Variants in KCNMA1 observed in about 807,000 individuals in gnomAD.
The protein encoded by KCNMA1 is Calcium-activated potassium channel subunit alpha-1.
A neutral mutation model predicts 140.0 loss-of-function variants in KCNMA1; 29 were observed. The observed-to-expected ratio is 0.21, with a 90% CI of 0.15 to 0.28. The LOEUF is 0.28. KCNMA1 is among the 10% of genes least tolerant of loss of function. KCNMA1 has a pLI of 1.00. For synonymous variants in KCNMA1, 612 were observed against 611.9 expected, an observed-to-expected ratio of 1.00 and a Z score of 0.00; for missense variants, 880 against 1,602.2, an observed-to-expected ratio of 0.55 and a Z score of 7.70.
rs562280330 is a variant in KCNMA1 at position 77,390,697 on chromosome 10, CA to C, written c.540+13164del. Among the ~76,000 whole-genome samples the C allele has an allele frequency of 2.1e-4, 32 of 152,304 alleles. No homozygotes were observed. The South Asian group carries it at 6.6e-3, about 32-fold the overall frequency. ...CACAACCAGGCCCTTGCTCTAGAAA[CA>C]AAAAGAATGTTCTGGACCTATCCCA... is the stretch of plus-strand genomic sequence containing the variant. On this transcript the variant is annotated intron_variant, in intron 2 of 27. Coordinates refer to ENST00000286628, the MANE Select transcript of KCNMA1 (RefSeq NM_001161352.2).
intron 1 of KCNMA1, among the ~76,000 whole-genome samples, chr10:77,584,961 AGTCC>A (rs536687242): frequency 5.5e-4 from 84 of 152,218 alleles, no homozygotes; most frequent in Non-Finnish European, 1.0e-3. Flanking sequence ...CTCCCTGCAC[AGTCC>A]TCTCAGCCAC....
chr10:76,884,645 C>T (rs532273538), downstream of KCNMA1: 29 of 212,570 alleles, frequency 1.4e-4, no homozygotes, highest in African/African-American at 5.3e-4. Context: ...GAGAGAAGTT[C>T]CCCCCAAATT....
chr10:77,007,653 G>GTATATATATATATA (rs60937323), intron 18 of KCNMA1, among the ~76,000 whole-genome samples: 2,913 of 88,260 alleles, frequency 0.033, 107 homozygotes, highest in East Asian at 0.06. Flanking sequence ...TTGTGTGTGT[G>GTATATATATATATA]TATATATATA....
chr10:76,946,917 T>C (rs919865587), intron 22 of KCNMA1, among the ~76,000 whole-genome samples: 2 of 152,206 alleles, frequency 1.3e-5, no homozygotes, highest in African/African-American at 4.8e-5. Flanking sequence ...TGTGAAGACA[T>C]AGGTGAAGGC....
At chr10:77,258,973 A>G (rs1361079033) in intron 2 of KCNMA1, among the ~76,000 whole-genome samples, 4 of 150,628 alleles carry the variant, frequency 2.7e-5, no homozygotes, top group Non-Finnish European at 4.5e-5. Flanking sequence ...AAAAAAATAT[A>G]TATATAATAT....
intron 2 of KCNMA1, among the ~76,000 whole-genome samples, chr10:77,310,076 G>T (rs182281704): frequency 9.7e-4 from 147 of 152,286 alleles, no homozygotes; most frequent in African/African-American, 3.4e-3. Flanking sequence ...ATTTGTAAAG[G>T]CATTGAAGGC....
chr10:77,324,967 CTCTCTGTGTGTG>C, intron 2 of KCNMA1, among the ~76,000 whole-genome samples: 1 of 97,366 alleles, frequency 1.0e-5, no homozygotes, highest in African/African-American at 5.5e-5. Context: ...CTCTCTCTCT[CTCTCTGTGTGTG>C]TGTGTGTGTG....
intron 23 of KCNMA1, among the ~76,000 whole-genome samples, chr10:76,915,781 G>T (rs1347346456): frequency 6.6e-6 from 1 of 152,116 alleles, no homozygotes; most frequent in African/African-American, 2.4e-5. Flanking sequence ...GGGCTTTCAG[G>T]AAGTGTTTCC....
chr10:77,290,458 C>T (rs10824512), intron 2 of KCNMA1, among the ~76,000 whole-genome samples: 9,345 of 152,260 alleles, frequency 0.061, 587 homozygotes, highest in East Asian at 0.3. Context: ...GTCCCCACCA[C>T]TCCTTCCCGT....
chr10:77,153,528 C>T (rs891942600), intron 5 of KCNMA1, among the ~76,000 whole-genome samples: 3 of 152,048 alleles, frequency 2.0e-5, no homozygotes, highest in African/African-American at 7.2e-5. Flanking sequence ...TGCACCTCTA[C>T]ATCCAGCTAA....
intron 14 of KCNMA1, among the ~76,000 whole-genome samples, chr10:77,065,563 G>T (rs2095903762): frequency 6.6e-6 from 1 of 152,052 alleles, no homozygotes; most frequent in African/African-American, 2.4e-5. Flanking sequence ...CATATTCATA[G>T]ATTGGAGAAC....
Position 77,328,108 on chromosome 10 carries a change from T to C in KCNMA1, c.540+75754A>G, listed in dbSNP as rs1327205749. The stretch of plus-strand genomic sequence containing the variant: ...TGCACATTTTAAATATCTGTCTGTG[T>C]CTCATTTTCTTCATCTAAAACTATT... On this transcript the variant is annotated intron_variant, in intron 2 of 27. Coordinates refer to ENST00000286628, the MANE Select transcript of KCNMA1 (RefSeq NM_001161352.2). Among the ~76,000 whole-genome samples, 3 of 152,202 alleles carry C rather than the reference T, an allele frequency of 2.0e-5. No homozygotes were observed. The East Asian group carries it at 5.8e-4, about 29-fold the overall frequency.
intron 24 of KCNMA1, chr10:76,913,308 G>A (rs1461344830): frequency 3.3e-5 from 5 of 152,160 alleles, no homozygotes; most frequent in Non-Finnish European, 4.4e-5. Flanking sequence ...GGGAAGTGGG[G>A]AAGAACCTAA....
chr10:76,973,060 A>G (rs1013066168), intron 19 of KCNMA1: 1 of 152,190 alleles, frequency 6.6e-6, no homozygotes, highest in Non-Finnish European at 1.5e-5. Context: ...ATGAAAGACA[A>G]ACGTGTTGAA....
At chr10:77,147,034 G>C (rs1300122476) in intron 5 of KCNMA1, among the ~76,000 whole-genome samples, 1 of 152,186 alleles carries the variant, frequency 6.6e-6, no homozygotes, top group Non-Finnish European at 1.5e-5. Flanking sequence ...ACAGAGGAGG[G>C]AGCACAAAAG....
intron 1 of KCNMA1, among the ~76,000 whole-genome samples, chr10:77,578,236 A>T (rs1603637448): frequency 6.6e-6 from 1 of 152,190 alleles, no homozygotes; most frequent in Non-Finnish European, 1.5e-5. Flanking sequence ...GAGATCCCCC[A>T]ATTAAATCAG....
intron 1 of KCNMA1, among the ~76,000 whole-genome samples, chr10:77,562,258 A>G (rs1242883884): frequency 6.6e-6 from 1 of 152,226 alleles, no homozygotes; most frequent in Non-Finnish European, 1.5e-5. Context: ...AAGTTCCACC[A>G]GGGACCATAC....
At chr10:77,079,350 G>T in intron 13 of KCNMA1, 131 bp downstream of exon 13, 1 of 712,596 alleles carries the variant, frequency 1.4e-6, no homozygotes, top group Admixed American at 2.0e-5. Context: ...TTTGAGTTGC[G>T]CACATGTGGG....
rs987266637 is a variant in KCNMA1, at chr10:77,523,210, C to T, written c.378+114055G>A. 1.7e-4 allele frequency among the ~76,000 whole-genome samples: 25 copies of T among 150,174 alleles called. 1 individual carries two copies. The highest frequency in any genetic ancestry group is 1.5e-5 in the Non-Finnish European group (1 of 67,782). On this transcript the variant is annotated intron_variant, in intron 1 of 27. Coordinates refer to ENST00000286628, the MANE Select transcript of KCNMA1 (RefSeq NM_001161352.2). ...TTACTCAACCTTGGACGTGCCCCCC[C>T]CCCTTGCAATCACACCACAGAACCG...
Sources: allele counts gnomAD v4.1 joint callset (sites outside exome capture counted in the v4.1 genomes callset), GRCh38; gene constraint gnomAD v4.1.1; transcripts MANE v1.5; gene names NCBI Gene and HGNC (gene_info 2026-07-23, HGNC 2026-07-21).